SYT17: variants seen among roughly 807,000 people sequenced by gnomAD.
The protein encoded by SYT17 is synaptotagmin 17.
Under a neutral mutation model 46.7 loss-of-function variants are expected in SYT17, and 22 were observed. That is an observed-to-expected ratio of 0.47 (90% CI 0.34 to 0.67). SYT17 has a LOEUF of 0.67. SYT17 is among the 30% of genes least tolerant of loss of function. SYT17 has a pLI of 0.01. For synonymous variants in SYT17, 251 were observed against 248.4 expected (o/e 1.01, Z -0.10); for missense variants, 519 against 612.8 (o/e 0.85, Z 1.62).
intron 7 of SYT17, among the ~76,000 whole-genome samples, chr16:19,240,657 C>A (rs1172442510): frequency 6.6e-6 from 1 of 152,236 alleles, no homozygotes; most frequent in Non-Finnish European, 1.5e-5. Flanking sequence ...TTCAGGCCCT[C>A]CCTGGTTTGA....
chr16:19,228,867 A>T (rs1175256298), intron 7 of SYT17, among the ~76,000 whole-genome samples: 1 of 152,194 alleles, frequency 6.6e-6, no homozygotes, highest in Admixed American at 6.5e-5. Context: ...AACACTTCAT[A>T]ACAAAAGTAA....
intron 7 of SYT17, among the ~76,000 whole-genome samples, chr16:19,240,370 G>A (rs1470754426): frequency 6.6e-6 from 1 of 152,164 alleles, no homozygotes; most frequent in African/African-American, 2.4e-5. Flanking sequence ...TCTGTAGCCA[G>A]CGTGTCCCAA....
At position 19,252,428 on chromosome 16, in the gene SYT17, C is replaced by T. The variant is rs1442136226; in HGVS notation, c.1229-14452C>T. On this transcript the variant is annotated intron_variant, in intron 7 of 7. Transcript: ENST00000355377. ...ACATATATATATACATATATATATA[C>T]ATATATATACATATATATACACATA... 1.3e-4 allele frequency among the ~76,000 whole-genome samples: 3 copies of T among 22,552 alleles called. 1 individual carries two copies. Among genetic ancestry groups the T allele is most frequent in the Non-Finnish European group, 1.9e-4 (3 of 15,674 alleles). 14.8% of individuals were successfully genotyped at this position (22,552 alleles called of 152,430 possible).
intron 6 of SYT17, 87 bp from the exon 7 acceptor site, chr16:19,224,594 CAG>C: frequency 1.4e-6 from 2 of 1,427,760 alleles, no homozygotes; most frequent in Non-Finnish European, 1.9e-6. Flanking sequence ...AATAAAAAGA[CAG>C]ATGGATGGGA....
intron 7 of SYT17, among the ~76,000 whole-genome samples, chr16:19,241,871 C>T (rs1293936781): frequency 6.6e-6 from 1 of 152,162 alleles, no homozygotes; most frequent in African/African-American, 2.4e-5. Context: ...CACAGGGGTC[C>T]CACCACCACT....
intron 5 of SYT17, 150 bp downstream of exon 5, chr16:19,184,297 CAG>C (rs1964688715): frequency 5.9e-6 from 6 of 1,016,562 alleles, no homozygotes; most frequent in East Asian, 2.6e-5. Context: ...GCAAAAATAG[CAG>C]AGAGTTCCTG....
At chr16:19,241,227 G>A (rs1344706033) in intron 7 of SYT17, among the ~76,000 whole-genome samples, 7 of 151,954 alleles carry the variant, frequency 4.6e-5, no homozygotes, top group Admixed American at 2.0e-4. Flanking sequence ...GATTACAGGC[G>A]TGAGCCACCG....
At chr16:19,255,658 C>G (rs766815058) in intron 7 of SYT17, among the ~76,000 whole-genome samples, 1 of 151,996 alleles carries the variant, frequency 6.6e-6, no homozygotes, top group Non-Finnish European at 1.5e-5. Flanking sequence ...GGTGAGGTGC[C>G]CCTGTAGTCC....
intron 5 of SYT17, among the ~76,000 whole-genome samples, chr16:19,196,332 T>C (rs1304726218): frequency 6.6e-6 from 1 of 151,148 alleles, no homozygotes; most frequent in Non-Finnish European, 1.5e-5. Flanking sequence ...AACCTCCGCC[T>C]CCCGATTTCA....
intron 5 of SYT17, among the ~76,000 whole-genome samples, chr16:19,185,380 C>T (rs776693081): frequency 2.0e-5 from 3 of 152,040 alleles, no homozygotes; most frequent in Non-Finnish European, 4.4e-5. Context: ...TGAGTCTAGG[C>T]GTTCAAGACC....
intron 5 of SYT17, among the ~76,000 whole-genome samples, chr16:19,193,514 T>C (rs997840693): frequency 1.3e-5 from 2 of 152,234 alleles, no homozygotes; most frequent in Non-Finnish European, 2.9e-5. Flanking sequence ...ATTCAGAGCA[T>C]TGTGGCTTAG....
chr16:19,216,890 A>C (rs926490744), intron 5 of SYT17, among the ~76,000 whole-genome samples: 1 of 152,242 alleles, frequency 6.6e-6, no homozygotes, highest in African/African-American at 2.4e-5. Context: ...CCTTGGATAT[A>C]TACCCAGTAA....
chr16:19,177,549 G>A (rs191672679), intron 3 of SYT17, among the ~76,000 whole-genome samples: 10 of 152,212 alleles, frequency 6.6e-5, no homozygotes, highest in Admixed American at 6.5e-4. Flanking sequence ...AAGTAGAAAT[G>A]TCAAGTGTAT....
rs1385881535 is a variant in SYT17 at position 19,257,744 on chromosome 16, C to A, written c.1229-9136C>A. On this transcript the variant is annotated intron_variant, in intron 7 of 7. Coordinates refer to ENST00000355377, the MANE Select transcript of SYT17 (RefSeq NM_016524.4). ...TTTCAGGAACAGGGGAACATCTTAA[C>A]CCAGCATCAAAGAGGTAGATCGCCG... is the stretch of plus-strand genomic sequence containing the variant. 2.0e-5 allele frequency among the ~76,000 whole-genome samples: 3 copies of A among 152,086 alleles called. No individual in the cohort carries two copies. The East Asian group carries it at 5.8e-4, about 29-fold the overall frequency.
At chr16:19,173,368 T>TCCCCCCCCC in intron 2 of SYT17, 62 bp from the exon 3 acceptor site, 1 of 742,600 alleles carries the variant, frequency 1.3e-6, no homozygotes, top group South Asian at 2.1e-5. Context: ...CTCTTCCTCT[T>TCCCCCCCCC]CCCCACCCTG....
rs562476982 is a variant in SYT17 at position 19,243,331 on chromosome 16, C to A, written c.1228+18493C>A. On this transcript the variant is annotated intron_variant, in intron 7 of 7. Coordinates refer to ENST00000355377, the MANE Select transcript of SYT17 (RefSeq NM_016524.4). ...CCAGGGAGAGTATCTGCTGATGTGG[C>A]AAGCAAAATTCCCCTTAGATGTCTG... Among the ~76,000 whole-genome samples, 417 of 152,232 alleles carry A rather than the reference C, an allele frequency of 2.7e-3. 1 individual carries two copies. The highest frequency in any genetic ancestry group is 9.6e-3 in the African/African-American group (399 of 41,536).
intron 3 of SYT17, 72 bp downstream of exon 3, chr16:19,173,650 G>A: frequency 6.5e-7 from 1 of 1,541,840 alleles, no homozygotes; most frequent in Non-Finnish European, 8.8e-7. Context: ...AAGGCGGGTT[G>A]GGGGTCTGGG....
rs1003002454 is a variant in SYT17 at position 19,168,687 on chromosome 16, C to G, written c.15+26C>G. 6.7e-7 allele frequency: 1 copy of G among 1,496,026 alleles called. No individual in the cohort carries two copies. Among genetic ancestry groups the G allele is most frequent in the Non-Finnish European group, 8.9e-7 (1 of 1,119,120 alleles). The allele number at this position is 1,496,026 out of a possible 1,614,324, so 92.7% of individuals were successfully genotyped here. On this transcript the variant is annotated intron_variant, in intron 1 of 7. Coordinates refer to ENST00000355377, the MANE Select transcript of SYT17 (RefSeq NM_016524.4). This position sits in a 1 kb window ranked among gnomAD's most constrained non-coding sequence, Gnocchi z 6.9. Reference sequence around the variant, plus strand: ...GTAGGGCTGAGGCTGGGGGCAAGGTCCGGGGTGCGGGTAGGGGGTGCCGCG... The same window carrying G: ...GTAGGGCTGAGGCTGGGGGCAAGGTGCGGGGTGCGGGTAGGGGGTGCCGCG...
At chr16:19,207,332 G>C (rs1965711426) in intron 5 of SYT17, among the ~76,000 whole-genome samples, 1 of 152,124 alleles carries the variant, frequency 6.6e-6, no homozygotes, top group Non-Finnish European at 1.5e-5. Flanking sequence ...CATATTTACA[G>C]GTGTATTAGT....
Sources: allele counts gnomAD v4.1 joint callset (sites outside exome capture counted in the v4.1 genomes callset), GRCh38; gene constraint gnomAD v4.1.1; non-coding constraint Gnocchi (gnomAD v3.1); transcripts MANE v1.5; gene names NCBI Gene and HGNC (gene_info 2026-07-23, HGNC 2026-07-21).